RBM28: variants seen among roughly 807,000 people sequenced by gnomAD.
The protein encoded by RBM28 is RNA binding motif protein 28.
In RBM28, 78 loss-of-function variants were observed where a neutral mutation model predicts 98.3. That is an observed-to-expected ratio of 0.79 (90% CI 0.66 to 0.96). RBM28 has a LOEUF of 0.96. RBM28 is among the 40% of genes least tolerant of loss of function. The probability of loss-of-function intolerance (pLI) is 0.00; values close to 1 mark genes in which losing one functional copy is unlikely to be tolerated. For missense variants in RBM28, 838 were observed against 913.0 expected (o/e 0.92, Z 1.06); for synonymous variants, 306 against 330.9 (o/e 0.92, Z 0.82).
At position 128,335,938 on chromosome 7, in the gene RBM28, C is replaced by G. The variant is rs113178095; in HGVS notation, c.718G>C (p.Asp240His). Reference sequence around the variant, plus strand: ...TCAAAAACCCCATCTTCTTCATCATCATCATCGTCATCATCATCGTTTTCT... The same window carrying G: ...TCAAAAACCCCATCTTCTTCATCATGATCATCGTCATCATCATCGTTTTCT... ...EEENDDDDDD[D>H]DEEDGVFDDE... Residue 240 changes from aspartate to histidine, a missense_variant, in exon 7 of 19, where the codon GAT (aspartate) becomes CAT (histidine). Transcript: ENST00000223073. 1.5e-3 allele frequency: 2,362 copies of G among 1,604,784 alleles called. 19 individuals carry two copies. In the African/African-American group the frequency reaches 0.024, roughly 16 times the overall value.
intron 12 of RBM28, 97 bp from the exon 13 acceptor site, chr7:128,323,688 G>A (rs1449093533): frequency 1.4e-6 from 2 of 1,398,850 alleles, no homozygotes; most frequent in African/African-American, 1.4e-5. Flanking sequence ...CTTTGTACAG[G>A]GCCCAGAGGA....
chr7:128,322,263 G>C (rs1227941158), intron 13 of RBM28, among the ~76,000 whole-genome samples: 2 of 152,190 alleles, frequency 1.3e-5, no homozygotes, highest in Non-Finnish European at 1.5e-5. Flanking sequence ...AATGACCACA[G>C]AACCATATTT....
intron 17 of RBM28, among the ~76,000 whole-genome samples, chr7:128,313,924 G>A (rs1291336893): frequency 1.3e-5 from 2 of 151,948 alleles, no homozygotes; most frequent in African/African-American, 4.8e-5. Flanking sequence ...CATGCTTCCT[G>A]TACAGCCTGT....
At chr7:128,317,345 A>G (rs751256202) in intron 16 of RBM28, among the ~76,000 whole-genome samples, 22 of 152,228 alleles carry the variant, frequency 1.4e-4, no homozygotes, top group Non-Finnish European at 2.6e-4. Context: ...ACTGAAATCT[A>G]CAGGTAATGG....
rs1795737552 is a variant in RBM28, at chr7:128,298,475, T to A, written c.*12322A>T. On this transcript the variant is annotated 3_prime_UTR_variant, in exon 19 of 19. Transcript: ENST00000223073. ...ATAGAAAGAACCTATGTTGAAATATTGGGGGTGGGTTCCCCCAATACTTCT... is the reference window on the plus strand; with the variant it reads ...ATAGAAAGAACCTATGTTGAAATATAGGGGGTGGGTTCCCCCAATACTTCT... 1 of 152,206 alleles carries A rather than the reference T, an allele frequency of 6.6e-6. No individual in the cohort carries two copies. The highest frequency in any genetic ancestry group is 6.5e-5 in the Admixed American group (1 of 15,276). 9.4% of individuals were successfully genotyped at this position (152,206 alleles called of 1,614,324 possible).
At chr7:128,313,029 T>G in intron 18 of RBM28, 146 bp downstream of exon 18, 2 of 800,362 alleles carry the variant, frequency 2.5e-6, no homozygotes, top group Admixed American at 2.3e-5. Context: ...CTTTTAAGAT[T>G]GTATAGCTCA....
At chr7:128,342,946 C>A (rs1337298657) in intron 1 of RBM28, among the ~76,000 whole-genome samples, 1 of 152,182 alleles carries the variant, frequency 6.6e-6, no homozygotes, top group Non-Finnish European at 1.5e-5. Flanking sequence ...CCCCTCTCCC[C>A]ACTATACACA....
At chr7:128,313,488 C>T (rs974749402) in intron 17 of RBM28, among the ~76,000 whole-genome samples, 7 of 152,122 alleles carry the variant, frequency 4.6e-5, no homozygotes, top group African/African-American at 1.4e-4. Flanking sequence ...AGCAATCCCC[C>T]GTCTCTACTA....
At position 128,343,867 on chromosome 7, in the gene RBM28, T is replaced by TG; in HGVS notation, c.-75dup. 1 of 1,093,608 alleles carries TG rather than the reference T, an allele frequency of 9.1e-7. No individual in the cohort carries two copies. Among genetic ancestry groups the TG allele is most frequent in the Non-Finnish European group, 1.3e-6 (1 of 765,040 alleles). The allele number at this position is 1,093,608 out of a possible 1,614,324, so 67.7% of individuals were successfully genotyped here. On this transcript the variant is annotated 5_prime_UTR_variant, in exon 1 of 19. Transcript: ENST00000223073. ...CGCACGCGAGCCGAAACGCTGGCTT[T>TG]GGTAGGACAACCAAGCTCACACGCC... is the stretch of plus-strand genomic sequence containing the variant.
In RBM28 at chr7:128,335,942, A is replaced by T; in HGVS notation, c.714T>A (p.Asp238Glu). 6.2e-7 allele frequency: 1 copy of T among 1,603,778 alleles called. No individual in the cohort carries two copies. The highest frequency in any genetic ancestry group is 8.5e-7 in the Non-Finnish European group (1 of 1,171,004). ...MEEEENDDDD[D>E]DDDEEDGVFD... ...AAACCCCATCTTCTTCATCATCATC[A>T]TCGTCATCATCATCGTTTTCTTCCT... Residue 238 changes from aspartate to glutamate, a missense_variant, in exon 7 of 19, where the codon GAT becomes GAA. Asp to Glu is a conservative substitution (Grantham distance 45). Coordinates refer to ENST00000223073, the MANE Select transcript of RBM28 (RefSeq NM_018077.3).
chr7:128,325,519 T>C (rs1796330120), intron 11 of RBM28, among the ~76,000 whole-genome samples: 1 of 152,200 alleles, frequency 6.6e-6, no homozygotes, highest in African/African-American at 2.4e-5. Context: ...TAGTCTTTCA[T>C]GTTATCAGTC....
chr7:128,315,146 G>A, intron 16 of RBM28, 126 bp from the exon 17 acceptor site: 1 of 1,398,494 alleles, frequency 7.2e-7, no homozygotes. Flanking sequence ...CACAATTGGA[G>A]ACTAGAGGAA....
intron 9 of RBM28, among the ~76,000 whole-genome samples, chr7:128,332,226 T>C (rs1796495156): frequency 6.6e-6 from 1 of 152,250 alleles, no homozygotes. Flanking sequence ...AATTCATCTC[T>C]GTGAATCTTT....
rs749078946 is a variant in RBM28, at chr7:128,324,682, T to G, written c.1216A>C (p.Lys406Gln). Residue 406 changes from lysine (K) to glutamine (Q), a missense_variant, in exon 12 of 19, where the codon AAA (lysine) becomes CAA (glutamine). Physicochemically the swap from Lys to Gln is moderately conservative, Grantham distance 53 (BLOSUM62 1). Transcript: ENST00000223073. Reference sequence around the variant, plus strand: ...ACCTTGAGCTGCCGGCCATCCAGTTTAAGCCCACCAGCCTGTAACAGATCA... The same window carrying G: ...ACCTTGAGCTGCCGGCCATCCAGTTGAAGCCCACCAGCCTGTAACAGATCA... The part of the protein sequence containing the change: ...ASPENEAGGL[K>Q]LDGRQLKVDL... 6.2e-7 allele frequency: 1 copy of G among 1,614,034 alleles called. No homozygotes were observed.
chr7:128,313,030 G>A lies in RBM28; in HGVS notation c.2145+145C>T. 6 of 812,652 alleles carry A rather than the reference G, an allele frequency of 7.4e-6. No homozygotes were observed. The South Asian group carries it at 8.9e-5, about 12-fold the overall frequency. The allele number at this position is 812,652 out of a possible 1,614,324, so 50.3% of individuals were successfully genotyped here. A position where few individuals can be genotyped will look rare whatever the true frequency, so the allele number is the denominator to read the frequency against. The stretch of plus-strand genomic sequence containing the variant: ...CTTTTTTCTCTCCACTTTTAAGATT[G>A]TATAGCTCAACATTCTCTAAAAAGC... On this transcript the variant is annotated intron_variant, in intron 18 of 18. Coordinates refer to ENST00000223073, the MANE Select transcript of RBM28 (RefSeq NM_018077.3).
rs2402889 is a variant in RBM28, at chr7:128,298,292, C to T, written c.*12505G>A. 0.55 allele frequency: 83,727 copies of T among 151,950 alleles called. 23,813 individuals carry two copies. The highest frequency in any genetic ancestry group is 0.66 in the South Asian group (3,152 of 4,800). The allele number at this position is 151,950 out of a possible 1,614,324, so 9.4% of individuals were successfully genotyped here. On this transcript the variant is annotated 3_prime_UTR_variant, in exon 19 of 19. Coordinates refer to ENST00000223073, the MANE Select transcript of RBM28 (RefSeq NM_018077.3). ...CCTACTCCCTGTTTTACACCCCCTCCCCTTTTGAAACCCTTAATAAAAAAC... is the reference window on the plus strand; with the variant it reads ...CCTACTCCCTGTTTTACACCCCCTCTCCTTTTGAAACCCTTAATAAAAAAC...
intron 18 of RBM28, among the ~76,000 whole-genome samples, chr7:128,311,361 T>C (rs1291945079): frequency 3.3e-5 from 5 of 151,960 alleles, no homozygotes; most frequent in Non-Finnish European, 5.9e-5. Context: ...ATTTCTTGAG[T>C]AGGATGGGAA....
rs1198570443 is a variant in RBM28, at chr7:128,309,853, G to A, written c.*944C>T. On this transcript the variant is annotated 3_prime_UTR_variant, in exon 19 of 19. Coordinates refer to ENST00000223073, the MANE Select transcript of RBM28 (RefSeq NM_018077.3). ...GCTCTGAGGTGGTCAAGAGTCAAGAGATGGAAGGAAGGCCTGTGTAGCCAA... is the reference window on the plus strand; with the variant it reads ...GCTCTGAGGTGGTCAAGAGTCAAGAAATGGAAGGAAGGCCTGTGTAGCCAA... 6.6e-6 allele frequency: 1 copy of A among 152,226 alleles called. No homozygotes were observed. Among genetic ancestry groups the A allele is most frequent in the African/African-American group, 2.4e-5 (1 of 41,418 alleles). The allele number at this position is 152,226 out of a possible 1,614,324, so 9.4% of individuals were successfully genotyped here.
intron 13 of RBM28, 94 bp from the exon 14 acceptor site, chr7:128,321,518 C>A: frequency 2.1e-6 from 3 of 1,448,244 alleles, no homozygotes; most frequent in South Asian, 1.2e-5. Context: ...ATCCTCATCC[C>A]ATAACCACAC....
Sources: gnomAD v4.1 joint callset for allele counts (sites outside exome capture counted in the v4.1 genomes callset) on GRCh38, gnomAD v4.1.1 for gene constraint, MANE v1.5 for transcripts, NCBI Gene and HGNC (gene_info 2026-07-23, HGNC 2026-07-21) for gene names.